PCDHA4: variants seen among roughly 807,000 people sequenced by gnomAD.
PCDHA4 encodes protocadherin alpha 4, also known as protocadherin alpha-4.
PCDHA4 carries 49 observed loss-of-function variants against 61.4 expected under a neutral mutation model. That is an observed-to-expected ratio of 0.80 (90% CI 0.63 to 1.01). The LOEUF (loss-of-function observed/expected upper bound fraction) is 1.01, where lower values mean the gene tolerates loss of function less well. Among genes scored for constraint, PCDHA4 ranks in the 50% least tolerant of loss-of-function variants. The pLI, the probability that PCDHA4 is intolerant of heterozygous loss-of-function variation, is 0.00. For synonymous variants in PCDHA4, 590 were observed against 550.3 expected (o/e 1.07, Z -1.01); for missense variants, 1,254 against 1,235.8 (o/e 1.01, Z -0.22).
At chr5:140,966,641 A>C in intron 1 of PCDHA4, 5 of 1,104,534 alleles carry the variant, frequency 4.5e-6, no homozygotes, top group Non-Finnish European at 6.0e-6. Flanking sequence ...GGCGCTTTCT[A>C]GAGCGTGAGC....
chr5:140,842,557 C>T (rs200079412), intron 1 of PCDHA4: 4 of 1,596,448 alleles, frequency 2.5e-6, no homozygotes, highest in Non-Finnish European at 3.4e-6. Context: ...TGGACAGCGC[C>T]CTGGACCGCG....
intron 1 of PCDHA4, chr5:140,871,289 G>T (rs955449203): frequency 6.2e-7 from 1 of 1,613,910 alleles, no homozygotes; most frequent in Non-Finnish European, 8.5e-7. Flanking sequence ...CCCACTGAGG[G>T]CGCGTGCGCG....
intron 1 of PCDHA4, among the ~76,000 whole-genome samples, chr5:140,887,521 T>C (rs561642770): frequency 1.3e-5 from 2 of 152,346 alleles, no homozygotes; most frequent in Admixed American, 1.3e-4. Flanking sequence ...TTTTTATATA[T>C]GAGTCTTCCT....
At chr5:140,897,237 G>C (rs1188679482) in intron 1 of PCDHA4, among the ~76,000 whole-genome samples, 1 of 151,784 alleles carries the variant, frequency 6.6e-6, no homozygotes, top group African/African-American at 2.4e-5. Context: ...CAATGTGCAG[G>C]TTAGTTACAT....
In PCDHA4 at chr5:140,969,495, C is replaced by T. The variant is rs1205771172; in HGVS notation, c.2386-9454C>T. On this transcript the variant is annotated intron_variant, in intron 1 of 3. Transcript: ENST00000530339. The stretch of plus-strand genomic sequence containing the variant: ...TTGATCATAATCTGCTATTTCCTCT[C>T]TAGAAAAATAGCACTAAAGAATTGT... 10 of 1,437,770 alleles carry T rather than the reference C, an allele frequency of 7.0e-6. No homozygotes were observed. The African/African-American group carries it at 7.2e-5, about 10-fold the overall frequency. The allele number at this position is 1,437,770 out of a possible 1,614,324, so 89.1% of individuals were successfully genotyped here. A position where few individuals can be genotyped will look rare whatever the true frequency, so the allele number is the denominator to read the frequency against.
At chr5:140,870,201 G>A in intron 1 of PCDHA4, 2 of 1,614,140 alleles carry the variant, frequency 1.2e-6, no homozygotes, top group Non-Finnish European at 8.5e-7. Context: ...AGCCCAGCAC[G>A]GTCATTGCCC....
At chr5:140,998,122 A>G (rs2097797315) in intron 3 of PCDHA4, among the ~76,000 whole-genome samples, 1 of 152,214 alleles carries the variant, frequency 6.6e-6, no homozygotes, top group Admixed American at 6.5e-5. Flanking sequence ...TTACTTGTGA[A>G]TCATAATAGC....
At chr5:140,836,234 T>C (rs1774307282) in intron 1 of PCDHA4, 1 of 1,613,668 alleles carries the variant, frequency 6.2e-7, no homozygotes, top group Admixed American at 1.7e-5. Flanking sequence ...TGGCGGCCGG[T>C]GCGAGCATCC....
At chr5:140,822,871 A>C in intron 1 of PCDHA4, 1 of 1,614,204 alleles carries the variant, frequency 6.2e-7, no homozygotes. Flanking sequence ...TCCACTCAGC[A>C]CGGTCATTGC....
intron 1 of PCDHA4, among the ~76,000 whole-genome samples, chr5:140,924,889 T>C (rs1554202242): frequency 8.9e-6 from 1 of 112,122 alleles, no homozygotes; most frequent in Non-Finnish European, 1.8e-5. Flanking sequence ...AGCAAGAACC[T>C]GTCTCAAAAA....
chr5:140,854,663 C>G (rs1359601461), intron 1 of PCDHA4: 1 of 149,774 alleles, frequency 6.7e-6, no homozygotes, highest in Non-Finnish European at 1.5e-5. Context: ...TAAATTAACC[C>G]TTGCATAAGA....
At chr5:140,842,868 A>T in intron 1 of PCDHA4, 1 of 1,593,968 alleles carries the variant, frequency 6.3e-7, no homozygotes, top group Non-Finnish European at 8.6e-7. Flanking sequence ...GAGAGCGGCA[A>T]GGTGTACGCG....
At chr5:140,939,521 T>C (rs540311861) in intron 1 of PCDHA4, among the ~76,000 whole-genome samples, 3 of 152,326 alleles carry the variant, frequency 2.0e-5, no homozygotes, top group Non-Finnish European at 2.9e-5. Flanking sequence ...TTAATAGTTA[T>C]AGAATTATAC....
At chr5:140,893,612 T>C (rs1455928353) in intron 1 of PCDHA4, among the ~76,000 whole-genome samples, 1 of 152,240 alleles carries the variant, frequency 6.6e-6, no homozygotes, top group Non-Finnish European at 1.5e-5. Flanking sequence ...CCTTCATTTC[T>C]GAAGTATAGC....
At position 140,850,002 on chromosome 5, in the gene PCDHA4, T is replaced by G. The variant is rs2150462762; in HGVS notation, c.2385+40430T>G. The G allele has an allele frequency of 2.8e-5, 45 of 1,596,824 alleles. No homozygotes were observed. In the South Asian group the frequency reaches 3.6e-4, roughly 13 times the overall value. The stretch of plus-strand genomic sequence containing the variant: ...GGTGGAGCGGCGGTTGGGCGAGCGC[T>G]CGCTGTCGAGCTACGTGTCAGTGCA... On this transcript the variant is annotated intron_variant, in intron 1 of 3. Coordinates refer to ENST00000530339, the MANE Select transcript of PCDHA4 (RefSeq NM_018907.4).
intron 1 of PCDHA4, chr5:140,851,170 A>T: frequency 7.9e-7 from 1 of 1,265,740 alleles, no homozygotes; most frequent in Non-Finnish European, 1.0e-6. Flanking sequence ...ATGCTGCCAT[A>T]ACACTTGAAA....
intron 1 of PCDHA4, chr5:140,831,357 T>C (rs2150193873): frequency 9.0e-6 from 1 of 110,600 alleles, no homozygotes; most frequent in Non-Finnish European, 1.9e-5. Context: ...TATTCACTAT[T>C]TTGTATGTGT....
intron 1 of PCDHA4, among the ~76,000 whole-genome samples, chr5:140,941,460 C>T (rs530075226): frequency 4.6e-4 from 69 of 151,184 alleles, no homozygotes; most frequent in African/African-American, 1.6e-3. Context: ...GGATTACAGG[C>T]GCCCACCACC....
chr5:140,881,232 C>A, intron 1 of PCDHA4: 2 of 318,074 alleles, frequency 6.3e-6, no homozygotes, highest in Non-Finnish European at 9.1e-6. Context: ...AAATTAAAGT[C>A]AATTTAAATG....
Sources: allele counts gnomAD v4.1 joint callset (sites outside exome capture counted in the v4.1 genomes callset), GRCh38; gene constraint gnomAD v4.1.1; transcripts MANE v1.5; gene names NCBI Gene and HGNC (gene_info 2026-07-23, HGNC 2026-07-21).